SOS2: variants seen among roughly 807,000 people sequenced by gnomAD.
SOS2 encodes son of sevenless homolog 2.
In SOS2, 65 loss-of-function variants were observed where a neutral mutation model predicts 148.2. The observed-to-expected ratio is 0.44, with a 90% CI of 0.36 to 0.54. The LOEUF (loss-of-function observed/expected upper bound fraction) is 0.54. SOS2 is among the 20% of genes least tolerant of loss of function. SOS2 has a pLI of 0.00. For missense variants in SOS2, 1,341 were observed against 1,590.2 expected (o/e 0.84, Z 2.67); for synonymous variants, 539 against 537.1 (o/e 1.00, Z -0.05).
At chr14:50,144,476 C>T (rs181449306) in intron 16 of SOS2, among the ~76,000 whole-genome samples, 14 of 151,926 alleles carry the variant, frequency 9.2e-5, no homozygotes, top group Non-Finnish European at 2.1e-4. Flanking sequence ...CTCACTGTGT[C>T]GCCCAGCCTG....
intron 5 of SOS2, among the ~76,000 whole-genome samples, chr14:50,183,554 T>G (rs10148389): frequency 0.88 from 133,147 of 152,150 alleles, 58,336 homozygotes; most frequent in East Asian, 0.91. Flanking sequence ...AGATAGTTTT[T>G]TTAAATCTAA....
At chr14:50,225,181 C>T (rs2139870403) in intron 1 of SOS2, among the ~76,000 whole-genome samples, 1 of 152,216 alleles carries the variant, frequency 6.6e-6, no homozygotes, top group East Asian at 1.9e-4. Context: ...TCTTGAACTC[C>T]TGGCCTCAAG....
chr14:50,147,713 T>C (rs987166145), intron 14 of SOS2, among the ~76,000 whole-genome samples: 6 of 152,242 alleles, frequency 3.9e-5, no homozygotes, highest in Non-Finnish European at 8.8e-5. Flanking sequence ...AATGTTTTTG[T>C]TGTTCATGAA....
chr14:50,188,737 T>C, intron 4 of SOS2, 37 bp from the exon 5 acceptor site: 1 of 1,393,714 alleles, frequency 7.2e-7, no homozygotes, highest in Non-Finnish European at 9.9e-7. Context: ...AAATTTATTT[T>C]CTTTACTTTT....
chr14:50,221,245 C>CT (rs1384626390), intron 1 of SOS2, among the ~76,000 whole-genome samples: 1 of 151,892 alleles, frequency 6.6e-6, no homozygotes, highest in Non-Finnish European at 1.5e-5. Context: ...AAAATAATTG[C>CT]TTTTTTTCCC....
chr14:50,180,532 TTAAAAAAAAA>T (rs1161064526), intron 7 of SOS2, 30 bp downstream of exon 7: 4 of 465,886 alleles, frequency 8.6e-6, no homozygotes, highest in Admixed American at 1.1e-4. Flanking sequence ...ATTTGCTTTA[TTAAAAAAAAA>T]AAAAAAAAAA....
chr14:50,178,691 TATATATATATATATATATATAC>T (rs1566839638), intron 7 of SOS2, among the ~76,000 whole-genome samples: 2,188 of 29,716 alleles, frequency 0.074, 87 homozygotes, highest in African/African-American at 0.12. Context: ...TATATATATA[TATATATATATATATATATATAC>T]ACACATATAC....
Position 50,185,224 on chromosome 14 carries a change from C to T in SOS2, c.715-2618G>A, listed in dbSNP as rs914134275. 3.9e-5 allele frequency among the ~76,000 whole-genome samples: 6 copies of T among 152,018 alleles called. No individual in the cohort carries two copies. In the East Asian group the frequency reaches 1.2e-3, roughly 29 times the overall value. ...ATTGGCGCCTGAAGTGTGAGACAGT[C>T]GTGTTGGGACTGAGTCCTTAATCTG... On this transcript the variant is annotated intron_variant, in intron 5 of 22. Coordinates refer to ENST00000216373, the MANE Select transcript of SOS2 (RefSeq NM_006939.4).
chr14:50,161,854 G>C (rs541825936), intron 8 of SOS2, among the ~76,000 whole-genome samples: 46 of 140,880 alleles, frequency 3.3e-4, no homozygotes, highest in African/African-American at 1.2e-3. Context: ...GGGTTCTAAT[G>C]ATCCTCCACT....
chr14:50,126,820 A>G (rs1402277228), intron 21 of SOS2, among the ~76,000 whole-genome samples: 1 of 152,098 alleles, frequency 6.6e-6, no homozygotes, highest in Non-Finnish European at 1.5e-5. Context: ...TGCTGGGGGA[A>G]AAATTATTAC....
chr14:50,145,510 C>T lies in SOS2; in HGVS notation c.2471G>A (p.Arg824His), dbSNP rs1433825913. The change falls in exon 15 of 23, where the codon CGC (arginine) becomes CAC (histidine). Residue 824 changes from arginine (R) to histidine (H), a missense_variant. Arg to His is a conservative substitution (Grantham distance 29, BLOSUM62 0). Around this residue, in one of 4 missense-constraint regions of SOS2, gnomAD observed 408 missense variants for 506.6 expected, o/e 0.81. Coordinates refer to ENST00000216373, the MANE Select transcript of SOS2 (RefSeq NM_006939.4). The stretch of plus-strand genomic sequence containing the variant: ...CCAGAGGGTGAGATTTGTGGTATGG[C>T]GAATCATTTTTAATAAATTTGGAGA... ...INSPNLLKMI[R>H]HTTNLTLWFE... is the part of the protein sequence containing the mutation. 2 of 1,606,862 alleles carry T rather than the reference C, an allele frequency of 1.2e-6. No individual in the cohort carries two copies. Among genetic ancestry groups the T allele is most frequent in the Non-Finnish European group, 1.7e-6 (2 of 1,174,732 alleles).
chr14:50,152,526 A>T (rs1439274225), intron 13 of SOS2, among the ~76,000 whole-genome samples: 1 of 152,236 alleles, frequency 6.6e-6, no homozygotes, highest in African/African-American at 2.4e-5. Flanking sequence ...AGAACTTTCG[A>T]CTTCTTTAAA....
chr14:50,133,242 C>CTTTTTTTTTT (rs753590435), intron 19 of SOS2, among the ~76,000 whole-genome samples: 2,485 of 78,664 alleles, frequency 0.032, 62 homozygotes, highest in Non-Finnish European at 0.044. Context: ...TTTCTTTTTT[C>CTTTTTTTTTT]TTTTTTCTTT....
chr14:50,142,155 C>T (rs139354825), intron 16 of SOS2, among the ~76,000 whole-genome samples: 1,965 of 151,894 alleles, frequency 0.013, 40 homozygotes, highest in African/African-American at 0.044. Context: ...TTACAGGCGC[C>T]CGCCAGCATG....
intron 1 of SOS2, among the ~76,000 whole-genome samples, chr14:50,205,634 G>A (rs77820280): frequency 6.6e-6 from 1 of 152,096 alleles, no homozygotes; most frequent in Non-Finnish European, 1.5e-5. Context: ...AACAAAATGA[G>A]AGTTTTAAAA....
intron 1 of SOS2, among the ~76,000 whole-genome samples, chr14:50,213,240 C>T (rs1159598353): frequency 6.6e-6 from 1 of 152,094 alleles, no homozygotes; most frequent in Non-Finnish European, 1.5e-5. Flanking sequence ...ACAAACTTGA[C>T]AGAGTATGCA....
Position 50,159,928 on chromosome 14 carries a change from C to G in SOS2, c.1355G>C (p.Gly452Ala). 1 of 1,614,158 alleles carries G rather than the reference C, an allele frequency of 6.2e-7. No individual in the cohort carries two copies. Among genetic ancestry groups the G allele is most frequent in the Non-Finnish European group, 8.5e-7 (1 of 1,180,030 alleles). The change falls in exon 10 of 23, where the codon GGT becomes GCT. Residue 452 changes from glycine (G) to alanine (A), a missense_variant. Physicochemically the swap from Gly to Ala is moderately conservative, Grantham distance 60. This residue lies in a region of SOS2 where 574 missense variants were observed against 711.1 expected (regional missense o/e 0.81). Coordinates refer to ENST00000216373, the MANE Select transcript of SOS2 (RefSeq NM_006939.4). ...FIMEGPLTRI[G>A]AKHERHIFLF... Reference sequence around the variant, plus strand: ...AAAAATATGCCGTTCATGTTTGGCACCGATTCTTGTCAATGGTCCCTCCAT... The same window carrying G: ...AAAAATATGCCGTTCATGTTTGGCAGCGATTCTTGTCAATGGTCCCTCCAT...
At chr14:50,161,455 T>A in intron 9 of SOS2, 27 bp downstream of exon 9, 1 of 1,598,018 alleles carries the variant, frequency 6.3e-7, no homozygotes, top group East Asian at 2.2e-5. Flanking sequence ...AGCAGAGGCA[T>A]TCACGTTTTC....
Position 50,118,345 on chromosome 14 carries a change from C to T in SOS2, c.3998G>A (p.Ter1333=). The change falls in exon 23 of 23, where the codon TGA becomes TAA. Residue 1333 remains the stop codon, a stop_retained_variant. Coordinates refer to ENST00000216373, the MANE Select transcript of SOS2 (RefSeq NM_006939.4). ...GTCAATGACTACATATGGCTAAGGT[C>T]ATTGGGGAGTTTCTGCATTTTCTAG... is the stretch of plus-strand genomic sequence containing the variant. ...PLLENAETPQ[*] is the part of the protein sequence containing the mutation. The T allele has an allele frequency of 6.2e-7, 1 of 1,612,490 alleles. No homozygotes were observed. The highest frequency in any genetic ancestry group is 8.5e-7 in the Non-Finnish European group (1 of 1,179,042).
Sources: allele counts gnomAD v4.1 joint callset (sites outside exome capture counted in the v4.1 genomes callset), GRCh38; gene constraint gnomAD v4.1.1; regional missense constraint gnomAD v4.1.1; transcripts MANE v1.5; gene names NCBI Gene and HGNC (gene_info 2026-07-23, HGNC 2026-07-21).